The following ZFHX3 variants were observed in gnomAD, a reference collection of about 807,000 sequenced individuals.
ZFHX3 encodes zinc finger homeobox protein 3.
Under a neutral mutation model 279.1 loss-of-function variants are expected in ZFHX3, and 42 were observed. The ratio of observed to expected loss-of-function variants is 0.15; its 90% CI spans 0.12 to 0.19. The LOEUF (loss-of-function observed/expected upper bound fraction) is 0.19. Among genes scored for constraint, ZFHX3 ranks in the 10% least tolerant of loss-of-function variants. ZFHX3 has a pLI of 1.00. For synonymous variants in ZFHX3, 2,293 were observed against 1,957.8 expected, an observed-to-expected ratio of 1.17 and a Z score of -4.52; for missense variants, 4,981 against 4,754.0, an observed-to-expected ratio of 1.05 and a Z score of -1.40.
chr16:72,934,402 T>G (rs1960002842), intron 3 of ZFHX3, among the ~76,000 whole-genome samples: 1 of 152,214 alleles, frequency 6.6e-6, no homozygotes, highest in Admixed American at 6.5e-5. Flanking sequence ...CATTCCTGCC[T>G]GGGTGACAAG....
At chr16:73,541,480 G>A (rs948737508) in intron 2 of ZFHX3, among the ~76,000 whole-genome samples, 1 of 151,442 alleles carries the variant, frequency 6.6e-6, no homozygotes, top group Non-Finnish European at 1.5e-5. Context: ...AGCAAGACTG[G>A]TCTCAAAAAA....
chr16:73,873,684 T>G (rs1209867878), intron 1 of ZFHX3, among the ~76,000 whole-genome samples: 1 of 152,194 alleles, frequency 6.6e-6, no homozygotes, highest in Admixed American at 6.5e-5. Flanking sequence ...TAAATATACA[T>G]GGAAATTGTG....
intron 2 of ZFHX3, among the ~76,000 whole-genome samples, chr16:73,590,418 T>C (rs932239372): frequency 6.6e-6 from 1 of 152,192 alleles, no homozygotes; most frequent in African/African-American, 2.4e-5. Flanking sequence ...GATGGTGCCA[T>C]TGATGACAAA....
chr16:73,251,736 TGCACACACACATAC>T (rs2013497865), intron 5 of ZFHX3, among the ~76,000 whole-genome samples: 1 of 122,440 alleles, frequency 8.2e-6, no homozygotes, highest in Non-Finnish European at 1.7e-5. Context: ...GCACACACCA[TGCACACACACATAC>T]ACACCACACA....
chr16:73,650,266 A>T lies in ZFHX3; in HGVS notation c.-1547+29914T>A, dbSNP rs529713300. 2.6e-5 allele frequency among the ~76,000 whole-genome samples: 4 copies of T among 152,182 alleles called. No homozygotes were observed. In the East Asian group the frequency reaches 5.8e-4, roughly 22 times the overall value. ...AAACATAGCAAAAAAATTAGCTCAA[A>T]ATATCAGAGAAAGCAGAAGAAGCCC... On this transcript the variant is annotated intron_variant, in intron 2 of 17. Coordinates refer to the ZFHX3 transcript ENST00000641206.
chr16:73,775,299 T>C (rs541356080), intron 1 of ZFHX3, among the ~76,000 whole-genome samples: 1 of 152,304 alleles, frequency 6.6e-6, no homozygotes, highest in African/African-American at 2.4e-5. Flanking sequence ...TTAGATGCTT[T>C]TATTCTTAGT....
chr16:72,975,898 C>T (rs1231509308), intron 1 of ZFHX3, among the ~76,000 whole-genome samples: 1 of 152,168 alleles, frequency 6.6e-6, no homozygotes, highest in Non-Finnish European at 1.5e-5. Flanking sequence ...ATTAATTATG[C>T]TTGAAAATCT....
At chr16:73,330,559 C>A (rs1597287271) in intron 3 of ZFHX3, among the ~76,000 whole-genome samples, 1 of 152,198 alleles carries the variant, frequency 6.6e-6, no homozygotes, top group East Asian at 1.9e-4. Flanking sequence ...TATTTAAGGG[C>A]CTTCTTTAAG....
chr16:73,666,101 C>T (rs1672707609), intron 2 of ZFHX3, among the ~76,000 whole-genome samples: 1 of 151,926 alleles, frequency 6.6e-6, no homozygotes, highest in Non-Finnish European at 1.5e-5. Context: ...CAGGCGTGAG[C>T]CACCGCACCC....
At chr16:73,275,084 T>C (rs910359069) in intron 4 of ZFHX3, among the ~76,000 whole-genome samples, 1 of 152,216 alleles carries the variant, frequency 6.6e-6, no homozygotes, top group Non-Finnish European at 1.5e-5. Flanking sequence ...ACATTTAGTC[T>C]ATATCACTGT....
chr16:73,271,999 T>C (rs2014158643), intron 4 of ZFHX3, among the ~76,000 whole-genome samples: 1 of 152,208 alleles, frequency 6.6e-6, no homozygotes, highest in South Asian at 2.1e-4. Flanking sequence ...TTTGAATGTC[T>C]GTTTTTCAGA....
At chr16:73,204,556 G>C (rs1353274976) in intron 5 of ZFHX3, among the ~76,000 whole-genome samples, 1 of 152,154 alleles carries the variant, frequency 6.6e-6, no homozygotes, top group African/African-American at 2.4e-5. Flanking sequence ...ACGGGGAATG[G>C]CTGTAAATAC....
chr16:73,092,898 C>T lies in ZFHX3; in HGVS notation c.-533+337G>A, dbSNP rs370192092. On this transcript the variant is annotated intron_variant, in intron 8 of 17. Transcript: ENST00000641206. ...TCTGAGAGGCTGTGTGTGTCCCACG[C>T]GCTCCTGTTTTCCCAGCCACCCATG... 4.5e-4 allele frequency: 234 copies of T among 519,544 alleles called. 1 individual carries two copies. The highest frequency in any genetic ancestry group is 2.1e-3 in the African/African-American group (107 of 52,010). The allele number at this position is 519,544 out of a possible 1,614,324, so 32.2% of individuals were successfully genotyped here.
intron 2 of ZFHX3, among the ~76,000 whole-genome samples, chr16:73,637,572 G>A (rs988149008): frequency 6.6e-6 from 1 of 150,454 alleles, no homozygotes. Flanking sequence ...AAGAATGTGA[G>A]TATGTGTTTA....
At chr16:72,857,669 A>G (rs2037787001) in intron 4 of ZFHX3, among the ~76,000 whole-genome samples, 1 of 152,152 alleles carries the variant, frequency 6.6e-6, no homozygotes, top group Admixed American at 6.5e-5. Context: ...TGGGTGACAG[A>G]GCAAGATCCT....
intron 1 of ZFHX3, among the ~76,000 whole-genome samples, chr16:72,977,862 TTC>T (rs1962419305): frequency 6.6e-6 from 1 of 150,936 alleles, no homozygotes; most frequent in Admixed American, 6.6e-5. Flanking sequence ...GGGATTTTTT[TTC>T]TTTTTTCTTT....
At chr16:73,806,969 G>A (rs1334110857) in intron 1 of ZFHX3, among the ~76,000 whole-genome samples, 1 of 152,216 alleles carries the variant, frequency 6.6e-6, no homozygotes, top group Non-Finnish European at 1.5e-5. Context: ...ACGTGATGAG[G>A]TGAGGAGGAT....
intron 2 of ZFHX3, among the ~76,000 whole-genome samples, chr16:73,563,764 C>T (rs1334498489): frequency 1.3e-5 from 2 of 152,032 alleles, no homozygotes; most frequent in Non-Finnish European, 2.9e-5. Flanking sequence ...CCTAGCCTTG[C>T]GTTCTTAGAA....
At chr16:73,381,162 C>CG (rs1224700423) in intron 3 of ZFHX3, among the ~76,000 whole-genome samples, 5 of 151,976 alleles carry the variant, frequency 3.3e-5, no homozygotes, top group Non-Finnish European at 7.4e-5. Flanking sequence ...GAAAGACCCC[C>CG]CAAACAAGAA....
Sources: allele counts gnomAD v4.1 joint callset (sites outside exome capture counted in the v4.1 genomes callset), GRCh38; gene constraint gnomAD v4.1.1; transcripts MANE v1.5; gene names NCBI Gene and HGNC (gene_info 2026-07-23, HGNC 2026-07-21).